Variants in AFG2A observed in about 807,000 individuals in gnomAD.
The protein encoded by AFG2A is ATPase family gene 2 protein homolog A.
chr4:123,255,129 A>G, the AFG2A span, among the ~76,000 whole-genome samples: 1 of 151,890 alleles, frequency 6.6e-6, no homozygotes, highest in African/African-American at 2.4e-5. Flanking sequence ...GTGCCCAGCT[A>G]ATTTTTGTAT....
the AFG2A span, among the ~76,000 whole-genome samples, chr4:123,130,502 A>G: frequency 6.6e-6 from 1 of 152,240 alleles, no homozygotes; most frequent in Non-Finnish European, 1.5e-5. Context: ...CAAATGTCAT[A>G]TAAATGTAAT....
the AFG2A span, chr4:123,315,129 T>C: frequency 1.3e-5 from 2 of 151,852 alleles, no homozygotes; most frequent in Non-Finnish European, 2.9e-5. Flanking sequence ...TTTTTACTTA[T>C]ACATATTTTC....
At chr4:122,979,376 A>G in the AFG2A span, 5 of 1,613,962 alleles carry the variant, frequency 3.1e-6, no homozygotes, top group Non-Finnish European at 4.2e-6. Flanking sequence ...ATAGCAATTG[A>G]TGTCCCAAAT....
chr4:123,294,594 C>T, the AFG2A span, among the ~76,000 whole-genome samples: 195 of 152,220 alleles, frequency 1.3e-3, 2 homozygotes, highest in East Asian at 0.031. Context: ...GTGTTGAAGC[C>T]AACATGCCTG....
At chr4:123,051,919 A>G in the AFG2A span, among the ~76,000 whole-genome samples, 15 of 151,710 alleles carry the variant, frequency 9.9e-5, no homozygotes, top group African/African-American at 3.1e-4. Context: ...GTTGTTTCTT[A>G]TTTTGGAGAG....
chr4:123,234,758 A>G, the AFG2A span, among the ~76,000 whole-genome samples: 7 of 152,166 alleles, frequency 4.6e-5, no homozygotes, highest in African/African-American at 9.6e-5. Flanking sequence ...CTGAGTATTC[A>G]TAAGACTTCT....
chr4:122,934,527 C>T, the AFG2A span: 1 of 1,614,054 alleles, frequency 6.2e-7, no homozygotes, highest in Non-Finnish European at 8.5e-7. Context: ...TGCTAAAGTT[C>T]AGCATAGGAG....
the AFG2A span, among the ~76,000 whole-genome samples, chr4:123,251,154 A>G: frequency 6.6e-6 from 1 of 152,190 alleles, no homozygotes; most frequent in East Asian, 1.9e-4. Flanking sequence ...CTTAGCTGAC[A>G]TGTATGCTGT....
the AFG2A span, among the ~76,000 whole-genome samples, chr4:123,245,552 T>C: frequency 6.6e-6 from 1 of 152,190 alleles, no homozygotes; most frequent in African/African-American, 2.4e-5. Context: ...AAAGAAAATA[T>C]GCTAATAAAA....
the AFG2A span, among the ~76,000 whole-genome samples, chr4:122,945,315 C>T: frequency 5.3e-5 from 8 of 152,264 alleles, no homozygotes; most frequent in Non-Finnish European, 1.2e-4. Context: ...CGGGCTGCGG[C>T]TGCTTTGTTT....
the AFG2A span, among the ~76,000 whole-genome samples, chr4:123,085,551 G>A: frequency 1.3e-5 from 2 of 152,044 alleles, no homozygotes; most frequent in Non-Finnish European, 2.9e-5. Context: ...AGCATTGTAT[G>A]TCTCTCTTCA....
chr4:123,023,615 C>T, the AFG2A span, among the ~76,000 whole-genome samples: 1 of 152,070 alleles, frequency 6.6e-6, no homozygotes, highest in East Asian at 1.9e-4. Context: ...ACCTTTTCCA[C>T]ACAGGCCTTG....
At chr4:123,209,410 G>C in the AFG2A span, among the ~76,000 whole-genome samples, 1 of 151,926 alleles carries the variant, frequency 6.6e-6, no homozygotes. Context: ...TGAGAGCAGA[G>C]GGAAAAAAAT....
At chr4:123,022,715 G>A in the AFG2A span, among the ~76,000 whole-genome samples, 130 of 151,580 alleles carry the variant, frequency 8.6e-4, no homozygotes, top group African/African-American at 2.9e-3. Flanking sequence ...AAATCATGCT[G>A]CTATAAAGAC....
At chr4:123,051,131 G>A in the AFG2A span, among the ~76,000 whole-genome samples, 7 of 150,342 alleles carry the variant, frequency 4.7e-5, no homozygotes, top group African/African-American at 1.7e-4. Context: ...TGACCATTTC[G>A]ATACATTTTT....
At chr4:123,177,238 G>A in the AFG2A span, among the ~76,000 whole-genome samples, 1 of 148,768 alleles carries the variant, frequency 6.7e-6, no homozygotes, top group Non-Finnish European at 1.5e-5. Flanking sequence ...CTGTCACCAG[G>A]CTGGAGTGCA....
the AFG2A span, among the ~76,000 whole-genome samples, chr4:122,935,375 G>A: frequency 1.3e-5 from 2 of 152,086 alleles, no homozygotes; most frequent in Non-Finnish European, 2.9e-5. Flanking sequence ...AAAAAAACTG[G>A]GATTGGTGGC....
At chr4:123,114,247 A>C in the AFG2A span, among the ~76,000 whole-genome samples, 1 of 151,804 alleles carries the variant, frequency 6.6e-6, no homozygotes, top group African/African-American at 2.4e-5. Flanking sequence ...ACAAGTCCCC[A>C]CTCTGGTCCG....
At chr4:123,257,418 T>C in the AFG2A span, among the ~76,000 whole-genome samples, 1 of 152,200 alleles carries the variant, frequency 6.6e-6, no homozygotes, top group Non-Finnish European at 1.5e-5. Context: ...AAAACATATA[T>C]GCATTTTTGA....
Sources: allele counts gnomAD v4.1 joint callset (sites outside exome capture counted in the v4.1 genomes callset), GRCh38; gene constraint gnomAD v4.1.1; transcripts MANE v1.5; gene names NCBI Gene and HGNC (gene_info 2026-07-23, HGNC 2026-07-21).